The following TAF2 variants were observed in gnomAD, a reference collection of about 807,000 sequenced individuals.
TAF2 encodes the protein transcription initiation factor TFIID subunit 2.
Under a neutral mutation model 138.5 loss-of-function variants are expected in TAF2, and 61 were observed. That is an observed-to-expected ratio of 0.44 (90% CI 0.36 to 0.54). The LOEUF is 0.54. Ranked by LOEUF, TAF2 falls within the 20% of genes least tolerant of loss-of-function variation. The pLI, the probability that TAF2 is intolerant of heterozygous loss-of-function variation, is 0.00. For missense variants in TAF2, 1,090 were observed against 1,427.9 expected, an observed-to-expected ratio of 0.76 and a Z score of 3.81; for synonymous variants, 475 against 469.9, an observed-to-expected ratio of 1.01 and a Z score of -0.14.
intron 6 of TAF2, among the ~76,000 whole-genome samples, chr8:119,798,828 T>A (rs558542543): frequency 2.6e-5 from 4 of 152,258 alleles, no homozygotes; most frequent in African/African-American, 9.6e-5. Context: ...GAGAAAAGCA[T>A]CTATGTATTA....
intron 20 of TAF2, 43 bp downstream of exon 20, chr8:119,760,556 G>A (rs549130284): frequency 6.2e-7 from 1 of 1,603,284 alleles, no homozygotes; most frequent in South Asian, 1.1e-5. Flanking sequence ...AAAGTAAATA[G>A]TTCTTTCTAA....
Position 119,788,412 on chromosome 8 carries a change from T to A in TAF2, c.1719A>T (p.Gly573=), listed in dbSNP as rs565717702. ...CAATTTGCAGTGTATGATTGAAGGA[T>A]CCATCTAACTCCTGCACTGTCACTT... ...PLKVTVQELD[G]SFNHTLQIEE... Residue 573 remains glycine, a synonymous_variant, in exon 14 of 26, where the codon GGA becomes GGT. Transcript: ENST00000378164. 7 of 1,613,324 alleles carry A rather than the reference T, an allele frequency of 4.3e-6. No individual in the cohort carries two copies. Among genetic ancestry groups the A allele is most frequent in the Admixed American group, 1.7e-5 (1 of 59,890 alleles).
chr8:119,819,425 G>T lies in TAF2; in HGVS notation c.220C>A (p.Arg74=), dbSNP rs567550422. 4 of 1,612,156 alleles carry T rather than the reference G, an allele frequency of 2.5e-6. No homozygotes were observed. In the South Asian group the frequency reaches 3.3e-5, roughly 13 times the overall value. The part of the protein sequence containing the change: ...KLNSKQCRIY[R]VRINDLEAAF... ...GCCTCTAAATCATTGATCCTTACTC[G>T]GTATATTCTACACTGTTTGCTGTTC... Residue 74 remains arginine (R), a synonymous_variant, in exon 3 of 26, where the codon CGA becomes AGA. Coordinates refer to ENST00000378164, the MANE Select transcript of TAF2 (RefSeq NM_003184.4).
At chr8:119,741,984 C>T (rs1274337536) in intron 25 of TAF2, among the ~76,000 whole-genome samples, 2 of 152,172 alleles carry the variant, frequency 1.3e-5, no homozygotes, top group African/African-American at 2.4e-5. Flanking sequence ...GTAACAAACA[C>T]ATCTGAATTA....
chr8:119,788,112 G>C (rs977486946), intron 14 of TAF2, among the ~76,000 whole-genome samples: 2 of 152,132 alleles, frequency 1.3e-5, no homozygotes, highest in African/African-American at 4.8e-5. Context: ...AGGGGAAGGA[G>C]AGCATTAGGA....
At chr8:119,822,814 C>T (rs996241937) in intron 2 of TAF2, among the ~76,000 whole-genome samples, 2 of 152,170 alleles carry the variant, frequency 1.3e-5, no homozygotes, top group Non-Finnish European at 2.9e-5. Flanking sequence ...CTGTCCTTGA[C>T]TTCTTCCAGT....
chr8:119,764,964 C>T (rs1039990440), intron 18 of TAF2, among the ~76,000 whole-genome samples: 2 of 151,882 alleles, frequency 1.3e-5, no homozygotes, highest in Non-Finnish European at 2.9e-5. Context: ...TAAAAAAATA[C>T]GTATTTTAAA....
At chr8:119,782,863 T>G (rs1273734873) in intron 16 of TAF2, among the ~76,000 whole-genome samples, 4 of 152,114 alleles carry the variant, frequency 2.6e-5, no homozygotes, top group Non-Finnish European at 5.9e-5. Flanking sequence ...TCAAGCACAG[T>G]GGAGCATGGT....
chr8:119,791,437 A>G lies in TAF2; in HGVS notation c.1300T>C (p.Ser434Pro). 6.2e-7 allele frequency: 1 copy of G among 1,613,762 alleles called. No homozygotes were observed. The highest frequency in any genetic ancestry group is 8.5e-7 in the Non-Finnish European group (1 of 1,179,818). The part of the protein sequence containing the change: ...KDNPASHLHF[S>P]IKHPHTLSWE... ...GACAGTGTATGTGGATGCTTTATTGAAAAGTGTAGATGGGAAGCCGGACTA... is the reference window on the plus strand; with the variant it reads ...GACAGTGTATGTGGATGCTTTATTGGAAAGTGTAGATGGGAAGCCGGACTA... The change falls in exon 11 of 26, where the codon TCA becomes CCA. Residue 434 changes from serine (S) to proline (P), a missense_variant. By Grantham distance (74) the Ser-to-Pro change is moderately conservative (BLOSUM62 -1). Around this residue, in one of 3 missense-constraint regions of TAF2, gnomAD observed 504 missense variants for 680.9 expected, o/e 0.74. Coordinates refer to ENST00000378164, the MANE Select transcript of TAF2 (RefSeq NM_003184.4).
chr8:119,736,437 A>C (rs1410329920), intron 25 of TAF2, among the ~76,000 whole-genome samples: 1 of 152,244 alleles, frequency 6.6e-6, no homozygotes, highest in Non-Finnish European at 1.5e-5. Context: ...ATCTTGTCAA[A>C]TGAACTCAGT....
intron 18 of TAF2, among the ~76,000 whole-genome samples, chr8:119,766,774 C>T (rs1159938149): frequency 6.6e-6 from 1 of 151,716 alleles, no homozygotes; most frequent in East Asian, 1.9e-4. Context: ...GCAGAGGTTG[C>T]TGTGGGCCGA....
chr8:119,747,253 C>G (rs1563823601), intron 22 of TAF2, among the ~76,000 whole-genome samples: 4 of 152,176 alleles, frequency 2.6e-5, no homozygotes, highest in African/African-American at 7.2e-5. Context: ...CATTCCCTAT[C>G]ATGGAAACAC....
chr8:119,758,035 C>G, intron 21 of TAF2, 38 bp downstream of exon 21: 3 of 1,555,704 alleles, frequency 1.9e-6, no homozygotes, highest in Non-Finnish European at 2.7e-6. Flanking sequence ...CACTATAGGA[C>G]TTACAAAATA....
chr8:119,806,495 A>C, intron 3 of TAF2, 94 bp from the exon 4 acceptor site: 4 of 942,602 alleles, frequency 4.2e-6, no homozygotes, highest in Non-Finnish European at 6.4e-6. Flanking sequence ...TTTTAGATGA[A>C]GTCTCACTCT....
At position 119,789,565 on chromosome 8, in the gene TAF2, C is replaced by T. The variant is rs6469846; in HGVS notation, c.1568+27G>A. On this transcript the variant is annotated intron_variant, in intron 12 of 25. Transcript: ENST00000378164. The stretch of plus-strand genomic sequence containing the variant: ...CACATACCTTATTCCCTTCCCCACT[C>T]TGTTGAACTGCTATTGAAAAGGATA... 903,168 of 1,610,388 alleles carry T rather than the reference C, an allele frequency of 0.56. 255,470 individuals are homozygous for T. The highest frequency in any genetic ancestry group is 0.68 in the Middle Eastern group (4,142 of 6,054).
intron 6 of TAF2, among the ~76,000 whole-genome samples, chr8:119,798,161 A>G (rs1336710089): frequency 6.6e-6 from 1 of 152,190 alleles, no homozygotes; most frequent in Non-Finnish European, 1.5e-5. Context: ...TTAAATTTCA[A>G]AGGTTTATTA....
intron 17 of TAF2, among the ~76,000 whole-genome samples, chr8:119,778,618 C>G (rs1567358): frequency 0.6 from 91,068 of 151,906 alleles, 27,567 homozygotes; most frequent in Middle Eastern, 0.76. Flanking sequence ...TCATTTTCAG[C>G]AATAAACGAT....
chr8:119,813,462 T>C (rs1046640413), intron 3 of TAF2, among the ~76,000 whole-genome samples: 5 of 152,188 alleles, frequency 3.3e-5, no homozygotes, highest in Non-Finnish European at 7.4e-5. Flanking sequence ...TTCAAGCTAC[T>C]AGAAATACTG....
intron 22 of TAF2, among the ~76,000 whole-genome samples, chr8:119,755,124 T>TTC (rs1476892952): frequency 6.6e-6 from 1 of 152,252 alleles, no homozygotes; most frequent in Non-Finnish European, 1.5e-5. Flanking sequence ...ATAATTGAGC[T>TTC]AAGATTCAAC....
Sources: gnomAD v4.1 joint callset for allele counts (sites outside exome capture counted in the v4.1 genomes callset) on GRCh38, gnomAD v4.1.1 for gene constraint, gnomAD v4.1.1 regional missense constraint, MANE v1.5 for transcripts, NCBI Gene and HGNC (gene_info 2026-07-23, HGNC 2026-07-21) for gene names.